The following KCNK5 variants were observed in gnomAD, a reference collection of about 807,000 sequenced individuals.
The protein encoded by KCNK5 is potassium channel subfamily K member 5.
KCNK5 carries 18 observed loss-of-function variants against 32.9 expected under a neutral mutation model. The ratio of observed to expected loss-of-function variants is 0.55; its 90% CI spans 0.38 to 0.81. KCNK5 has a LOEUF of 0.81. KCNK5 is among the 30% of genes least tolerant of loss of function. KCNK5 has a pLI of 0.00. For synonymous variants in KCNK5, 276 were observed against 275.3 expected, an observed-to-expected ratio of 1.00 and a Z score of -0.03; for missense variants, 507 against 651.0, an observed-to-expected ratio of 0.78 and a Z score of 2.41.
chr6:39,190,704 A>G lies in KCNK5; in HGVS notation c.*186T>C. On this transcript the variant is annotated 3_prime_UTR_variant, in exon 5 of 5. Transcript: ENST00000359534. ...CAGCCAGGGTATGGTTCAGCTGGAGAACAGAGGCCCTGTCCCGGGCATACA... is the reference window on the plus strand; with the variant it reads ...CAGCCAGGGTATGGTTCAGCTGGAGGACAGAGGCCCTGTCCCGGGCATACA... 1 of 530,366 alleles carries G rather than the reference A, an allele frequency of 1.9e-6. No homozygotes were observed. Among genetic ancestry groups the G allele is most frequent in the African/African-American group, 1.9e-5 (1 of 52,420 alleles). The allele number at this position is 530,366 out of a possible 1,614,324, so 32.9% of individuals were successfully genotyped here. A position where few individuals can be genotyped will look rare whatever the true frequency, so the allele number is the denominator to read the frequency against.
chr6:39,212,082 A>C (rs780273559), intron 1 of KCNK5, among the ~76,000 whole-genome samples: 31 of 152,190 alleles, frequency 2.0e-4, no homozygotes, highest in Non-Finnish European at 4.3e-4. Flanking sequence ...GGAAGTCAGG[A>C]GTTCAAGACC....
In KCNK5 at chr6:39,190,794, C is replaced by T; in HGVS notation, c.*96G>A. The T allele has an allele frequency of 7.8e-7, 1 of 1,279,342 alleles. No homozygotes were observed. Among genetic ancestry groups the T allele is most frequent in the Non-Finnish European group, 1.0e-6 (1 of 973,112 alleles). 79.2% of individuals were successfully genotyped at this position (1,279,342 alleles called of 1,614,324 possible). ...CCCCCACTCCCAGTTCCGAGGCTGC[C>T]CCCCCACCAGGGGCCAGGCGTCCCG... is the stretch of plus-strand genomic sequence containing the variant. On this transcript the variant is annotated 3_prime_UTR_variant, in exon 5 of 5. Coordinates refer to ENST00000359534, the MANE Select transcript of KCNK5 (RefSeq NM_003740.4).
chr6:39,226,809 C>T (rs1271283157), intron 1 of KCNK5, among the ~76,000 whole-genome samples: 2 of 152,140 alleles, frequency 1.3e-5, no homozygotes, highest in Non-Finnish European at 2.9e-5. Flanking sequence ...TTTCCTATGA[C>T]GGGAAGGGAC....
In KCNK5 at chr6:39,221,382, G is replaced by C. The variant is rs142022321; in HGVS notation, c.186+7544C>G. Among the ~76,000 whole-genome samples the C allele has an allele frequency of 4.1e-3, 630 of 152,254 alleles. 3 individuals carry two copies. Among genetic ancestry groups the C allele is most frequent in the African/African-American group, 0.013 (529 of 41,542 alleles). Reference sequence around the variant, plus strand: ...ACCGAAGCTTCCAAGTCAACAAGAGGGATTCAATCTCAGTCCTCTATCCAA... The same window carrying C: ...ACCGAAGCTTCCAAGTCAACAAGAGCGATTCAATCTCAGTCCTCTATCCAA... On this transcript the variant is annotated intron_variant, in intron 1 of 4. Transcript: ENST00000359534.
chr6:39,204,574 G>C (rs1360281458), intron 1 of KCNK5, among the ~76,000 whole-genome samples: 1 of 152,182 alleles, frequency 6.6e-6, no homozygotes, highest in African/African-American at 2.4e-5. Flanking sequence ...CTCCTGCCCG[G>C]GTCCTGCCCC....
At chr6:39,201,234 G>A (rs180711301) in intron 1 of KCNK5, among the ~76,000 whole-genome samples, 2 of 151,066 alleles carry the variant, frequency 1.3e-5, no homozygotes, top group East Asian at 2.0e-4. Context: ...ATTCCCAGCT[G>A]CATCAATTCT....
chr6:39,193,365 C>T (rs1262786508), intron 4 of KCNK5, among the ~76,000 whole-genome samples: 1 of 152,180 alleles, frequency 6.6e-6, no homozygotes, highest in Non-Finnish European at 1.5e-5. Flanking sequence ...TCCCAGATGC[C>T]ACATACATCA....
At chr6:39,210,591 C>T (rs142387081) in intron 1 of KCNK5, among the ~76,000 whole-genome samples, 148 of 152,332 alleles carry the variant, frequency 9.7e-4, no homozygotes, top group Middle Eastern at 3.4e-3. Flanking sequence ...CTCAATGAAG[C>T]TCAAACCAGG....
In KCNK5 at chr6:39,229,312, G is replaced by A. The variant is rs113138749; in HGVS notation, c.-201C>T. The A allele has an allele frequency of 1.5e-6, 1 of 647,560 alleles. No homozygotes were observed. Among genetic ancestry groups the A allele is most frequent in the South Asian group, 2.0e-5 (1 of 50,774 alleles). The allele number at this position is 647,560 out of a possible 1,614,324, so 40.1% of individuals were successfully genotyped here. A position where few individuals can be genotyped will look rare whatever the true frequency, so the allele number is the denominator to read the frequency against. On this transcript the variant is annotated 5_prime_UTR_variant, in exon 1 of 5. Coordinates refer to ENST00000359534, the MANE Select transcript of KCNK5 (RefSeq NM_003740.4). ...CCCACGGAGTGCGGGGAGCTGCGTGGGGCCCCACTCACGCGGCCCGGGGTG... is the reference window on the plus strand; with the variant it reads ...CCCACGGAGTGCGGGGAGCTGCGTGAGGCCCCACTCACGCGGCCCGGGGTG...
chr6:39,227,697 T>C (rs1341155094), intron 1 of KCNK5, among the ~76,000 whole-genome samples: 1 of 152,182 alleles, frequency 6.6e-6, no homozygotes, highest in Non-Finnish European at 1.5e-5. Flanking sequence ...AAGATTTTGA[T>C]GTTTTCCAAA....
At chr6:39,193,253 C>T (rs1770971841) in intron 4 of KCNK5, among the ~76,000 whole-genome samples, 1 of 152,210 alleles carries the variant, frequency 6.6e-6, no homozygotes, top group African/African-American at 2.4e-5. Context: ...AGGGTTGTGC[C>T]TTGTCCACAT....
intron 1 of KCNK5, among the ~76,000 whole-genome samples, chr6:39,217,450 C>T (rs540371333): frequency 1.4e-4 from 22 of 152,320 alleles, no homozygotes; most frequent in African/African-American, 5.3e-4. Context: ...TACTAGGACA[C>T]GTGGCAATCC....
intron 1 of KCNK5, among the ~76,000 whole-genome samples, chr6:39,222,524 A>C (rs191922228): frequency 6.6e-6 from 1 of 152,330 alleles, no homozygotes; most frequent in Non-Finnish European, 1.5e-5. Flanking sequence ...GATGGAGTTC[A>C]AATTCCTTGG....
intron 1 of KCNK5, among the ~76,000 whole-genome samples, chr6:39,212,395 G>A (rs1304423617): frequency 6.6e-6 from 1 of 152,222 alleles, no homozygotes; most frequent in Non-Finnish European, 1.5e-5. Flanking sequence ...TACCAAGACT[G>A]TATCAAGCAC....
chr6:39,216,869 C>G (rs1228591781), intron 1 of KCNK5, among the ~76,000 whole-genome samples: 1 of 151,964 alleles, frequency 6.6e-6, no homozygotes, highest in Non-Finnish European at 1.5e-5. Flanking sequence ...CACCCCTAAT[C>G]CCAGCACTTT....
At chr6:39,218,070 CTTT>C (rs796153225) in intron 1 of KCNK5, among the ~76,000 whole-genome samples, 18,215 of 130,108 alleles carry the variant, frequency 0.14, 1,102 homozygotes, top group South Asian at 0.19. Flanking sequence ...ACTTACAGGC[CTTT>C]TTTTTTTTTT....
Position 39,191,346 on chromosome 6 carries a change from G to C in KCNK5, c.1044C>G (p.Ser348=). Residue 348 remains serine (S), a synonymous_variant, in exon 5 of 5, where the codon TCC becomes TCG. Coordinates refer to ENST00000359534, the MANE Select transcript of KCNK5 (RefSeq NM_003740.4). This position sits in a 1 kb window ranked among gnomAD's most constrained non-coding sequence, Gnocchi z 5.8. ...PPSLVPLVVY[S]KNRVPTLEEV... is the part of the protein sequence containing the mutation. The stretch of plus-strand genomic sequence containing the variant: ...CTTCCAAGGTGGGCACCCGGTTCTT[G>C]GAGTAGACTACCAGGGGCACCAGGG... The C allele has an allele frequency of 1.2e-6, 2 of 1,613,882 alleles. No individual in the cohort carries two copies. Among genetic ancestry groups the C allele is most frequent in the Non-Finnish European group, 1.7e-6 (2 of 1,180,008 alleles).
At chr6:39,212,049 A>C (rs1771352579) in intron 1 of KCNK5, among the ~76,000 whole-genome samples, 1 of 151,936 alleles carries the variant, frequency 6.6e-6, no homozygotes, top group Non-Finnish European at 1.5e-5. Flanking sequence ...GCACTTTGGG[A>C]GGCTGAGGTA....
chr6:39,222,014 CTG>C (rs1363977523), intron 1 of KCNK5, among the ~76,000 whole-genome samples: 2 of 152,368 alleles, frequency 1.3e-5, no homozygotes, highest in Admixed American at 1.3e-4. Context: ...AGGGCCCGTT[CTG>C]TGTTTCCAAC....
Sources: gnomAD v4.1 joint callset for allele counts (sites outside exome capture counted in the v4.1 genomes callset) on GRCh38, gnomAD v4.1.1 for gene constraint, Gnocchi (gnomAD v3.1) non-coding constraint, MANE v1.5 for transcripts, NCBI Gene and HGNC (gene_info 2026-07-23, HGNC 2026-07-21) for gene names.